ARHGEF38: variants seen among roughly 807,000 people sequenced by gnomAD.
The protein encoded by ARHGEF38 is Rho guanine nucleotide exchange factor 38.
In ARHGEF38, 79 loss-of-function variants were observed where a neutral mutation model predicts 79.9. That is an observed-to-expected ratio of 0.99 (90% CI 0.82 to 1.19). ARHGEF38 has a LOEUF of 1.19. Among genes scored for constraint, ARHGEF38 ranks in the 50% most tolerant of loss-of-function variants. The probability of loss-of-function intolerance (pLI) is 0.00; values close to 1 mark genes in which losing one functional copy is unlikely to be tolerated. For missense variants in ARHGEF38, 962 were observed against 907.2 expected, an observed-to-expected ratio of 1.06 and a Z score of -0.78; for synonymous variants, 366 against 328.3, an observed-to-expected ratio of 1.11 and a Z score of -1.24.
chr4:105,622,407 A>G (rs1030393144), intron 3 of ARHGEF38, among the ~76,000 whole-genome samples: 1 of 152,332 alleles, frequency 6.6e-6, no homozygotes, highest in South Asian at 2.1e-4. Flanking sequence ...AGTACATAGA[A>G]AGAGTAACAA....
At chr4:105,666,710 G>A (rs185341463) in intron 11 of ARHGEF38, among the ~76,000 whole-genome samples, 38 of 152,286 alleles carry the variant, frequency 2.5e-4, no homozygotes, top group African/African-American at 9.1e-4. Context: ...CGAGCTGAGG[G>A]GGGGAGTATA....
intron 3 of ARHGEF38, among the ~76,000 whole-genome samples, chr4:105,615,935 G>T (rs1359838823): frequency 6.6e-6 from 1 of 152,154 alleles, no homozygotes; most frequent in Non-Finnish European, 1.5e-5. Context: ...TGGATGTGTT[G>T]GATGCTGCAG....
chr4:105,614,108 A>G (rs957770374), intron 3 of ARHGEF38, among the ~76,000 whole-genome samples: 4 of 152,172 alleles, frequency 2.6e-5, no homozygotes, highest in African/African-American at 9.7e-5. Flanking sequence ...TATAATTTGA[A>G]AAGTATTGAG....
chr4:105,580,672 C>T (rs982716072), intron 1 of ARHGEF38, among the ~76,000 whole-genome samples: 23 of 152,084 alleles, frequency 1.5e-4, no homozygotes, highest in African/African-American at 5.3e-4. Context: ...TGCCGTGTGG[C>T]AATGAGAAGA....
chr4:105,632,675 C>T (rs544614668), intron 4 of ARHGEF38: 13 of 152,276 alleles, frequency 8.5e-5, no homozygotes, highest in South Asian at 6.2e-4. Flanking sequence ...TTTCCTTCTT[C>T]GGGTTCTAGA....
chr4:105,598,335 A>T (rs899667312), intron 2 of ARHGEF38, among the ~76,000 whole-genome samples: 1 of 152,210 alleles, frequency 6.6e-6, no homozygotes, highest in Non-Finnish European at 1.5e-5. Flanking sequence ...AACCAGGCTG[A>T]TAATTCCAAA....
rs575279681 is a variant in ARHGEF38, at chr4:105,680,179, A to G, written c.*2242A>G. ...ATTTAAAACCAGGTCTTCTGACTTT[A>G]AGGCCTTTCTTTTAGTGTTTTCCCT... is the stretch of plus-strand genomic sequence containing the variant. On this transcript the variant is annotated 3_prime_UTR_variant, in exon 14 of 14. Transcript: ENST00000420470. 5.2e-4 allele frequency: 288 copies of G among 557,360 alleles called. 4 individuals carry two copies. The South Asian group carries it at 5.2e-3, about 10-fold the overall frequency. The allele number at this position is 557,360 out of a possible 1,614,324, so 34.5% of individuals were successfully genotyped here. A position where few individuals can be genotyped will look rare whatever the true frequency, so the allele number is the denominator to read the frequency against.
intron 4 of ARHGEF38, among the ~76,000 whole-genome samples, chr4:105,635,512 T>A (rs1313808577): frequency 6.6e-6 from 1 of 152,156 alleles, no homozygotes; most frequent in East Asian, 1.9e-4. Context: ...CTTCAATGTA[T>A]GTGTTTTGAT....
intron 2 of ARHGEF38, 24 bp from the exon 3 acceptor site, chr4:105,613,360 G>T (rs1199695243): frequency 6.2e-7 from 1 of 1,608,212 alleles, no homozygotes. Flanking sequence ...TTCTCCATCA[G>T]CTCAATGTTT....
chr4:105,574,500 A>G (rs111292623), intron 1 of ARHGEF38, among the ~76,000 whole-genome samples: 1 of 149,310 alleles, frequency 6.7e-6, no homozygotes, highest in Non-Finnish European at 1.5e-5. Flanking sequence ...TAGTGAGCCG[A>G]GATGGTGCCA....
intron 2 of ARHGEF38, among the ~76,000 whole-genome samples, chr4:105,605,357 CT>C (rs1263694839): frequency 2.9e-4 from 44 of 152,014 alleles, no homozygotes; most frequent in African/African-American, 9.9e-4. Context: ...TGAACCCAGC[CT>C]CTTTCTCTGG....
rs6843665 is a variant in ARHGEF38, at chr4:105,560,018, A to T, written c.196+7057A>T. ...CTTGAAATATTTGCAAAATGGAATGAATTTAACTAGTTGACTCAGTAGGTA... is the reference window on the plus strand; with the variant it reads ...CTTGAAATATTTGCAAAATGGAATGTATTTAACTAGTTGACTCAGTAGGTA... On this transcript the variant is annotated intron_variant, in intron 1 of 13. Coordinates refer to ENST00000420470, the MANE Select transcript of ARHGEF38 (RefSeq NM_001242729.2). 3.4e-3 allele frequency among the ~76,000 whole-genome samples: 519 copies of T among 152,308 alleles called. 5 individuals are homozygous for T. Among genetic ancestry groups the T allele is most frequent in the African/African-American group, 0.012 (481 of 41,578 alleles).
Position 105,624,986 on chromosome 4 carries a change from C to A in ARHGEF38, c.509-5912C>A, listed in dbSNP as rs1219523751. Among the ~76,000 whole-genome samples the A allele has an allele frequency of 2.0e-5, 3 of 152,184 alleles. 1 individual carries two copies. Among genetic ancestry groups the A allele is most frequent in the Admixed American group, 6.5e-5 (1 of 15,282 alleles). ...CATCTCTACCCTCTGTTCATCACAC[C>A]CCCTTCTCTGTATTCTAAATACTCT... On this transcript the variant is annotated intron_variant, in intron 3 of 13. Coordinates refer to ENST00000420470, the MANE Select transcript of ARHGEF38 (RefSeq NM_001242729.2).
chr4:105,581,262 G>T (rs1243657768), intron 1 of ARHGEF38, among the ~76,000 whole-genome samples: 1 of 152,074 alleles, frequency 6.6e-6, no homozygotes, highest in Non-Finnish European at 1.5e-5. Context: ...TGGTCACTTG[G>T]TGGGAGATGT....
rs1423296392 is a variant in ARHGEF38 at position 105,679,279 on chromosome 4, T to A, written c.*1342T>A. The A allele has an allele frequency of 1.6e-5, 11 of 706,308 alleles. No individual in the cohort carries two copies. The highest frequency in any genetic ancestry group is 2.8e-5 in the Non-Finnish European group (11 of 395,014). 43.8% of individuals were successfully genotyped at this position (706,308 alleles called of 1,614,324 possible). A position where few individuals can be genotyped will look rare whatever the true frequency, so the allele number is the denominator to read the frequency against. ...CAGGTAATTTAGCTGGCACTGAGAGTATCCAGCCGGAATCATGCCACTTTG... is the reference window on the plus strand; with the variant it reads ...CAGGTAATTTAGCTGGCACTGAGAGAATCCAGCCGGAATCATGCCACTTTG... On this transcript the variant is annotated 3_prime_UTR_variant, in exon 14 of 14. Coordinates refer to ENST00000420470, the MANE Select transcript of ARHGEF38 (RefSeq NM_001242729.2).
At chr4:105,642,841 CTT>C (rs1222714092) in intron 5 of ARHGEF38, among the ~76,000 whole-genome samples, 1 of 151,914 alleles carries the variant, frequency 6.6e-6, no homozygotes, top group Non-Finnish European at 1.5e-5. Flanking sequence ...TTTTGATAGT[CTT>C]TTAGTGATTT....
At chr4:105,583,765 T>C (rs1382160435) in intron 1 of ARHGEF38, among the ~76,000 whole-genome samples, 1 of 152,180 alleles carries the variant, frequency 6.6e-6, no homozygotes, top group Admixed American at 6.5e-5. Flanking sequence ...GGGCTCATAG[T>C]AAGCCCTTAC....
intron 2 of ARHGEF38, among the ~76,000 whole-genome samples, chr4:105,603,576 A>G (rs1727914229): frequency 6.6e-6 from 1 of 152,090 alleles, no homozygotes; most frequent in Non-Finnish European, 1.5e-5. Context: ...ATCCAATTGC[A>G]TCTGTCCCAG....
At chr4:105,561,772 T>C (rs1314827499) in intron 1 of ARHGEF38, 1 of 152,092 alleles carries the variant, frequency 6.6e-6, no homozygotes, top group Non-Finnish European at 1.5e-5. Context: ...CATTTTTATG[T>C]GTCGTAGGAG....
Sources: gnomAD v4.1 joint callset for allele counts (sites outside exome capture counted in the v4.1 genomes callset) on GRCh38, gnomAD v4.1.1 for gene constraint, MANE v1.5 for transcripts, NCBI Gene and HGNC (gene_info 2026-07-23, HGNC 2026-07-21) for gene names.